SAMD12: variants seen among roughly 807,000 people sequenced by gnomAD.
SAMD12 encodes the protein sterile alpha motif domain-containing protein 12.
In SAMD12, 9 loss-of-function variants were observed where a neutral mutation model predicts 15.0. The ratio of observed to expected loss-of-function variants is 0.60; its 90% confidence interval spans 0.36 to 1.05. The LOEUF (loss-of-function observed/expected upper bound fraction) is 1.05, where lower values mean the gene tolerates loss of function less well. SAMD12 is among the 50% of genes least tolerant of loss of function. The pLI, the probability that SAMD12 is intolerant of heterozygous loss-of-function variation, is 0.01. For synonymous variants in SAMD12, 86 were observed against 90.1 expected, an observed-to-expected ratio of 0.96 and a Z score of 0.25; for missense variants, 230 against 234.2, an observed-to-expected ratio of 0.98 and a Z score of 0.12.
At chr8:118,345,031 C>T (rs1420365972) in intron 4 of SAMD12, among the ~76,000 whole-genome samples, 1 of 152,202 alleles carries the variant, frequency 6.6e-6, no homozygotes, top group Non-Finnish European at 1.5e-5. Context: ...ACTCACCACT[C>T]ACTGACTCGC....
chr8:118,443,304 A>C (rs147145288), intron 2 of SAMD12, among the ~76,000 whole-genome samples: 1,841 of 152,130 alleles, frequency 0.012, 45 homozygotes, highest in African/African-American at 0.041. Context: ...TCTCTACTAA[A>C]AATACAAAAA....
At chr8:118,226,858 T>C (rs1265398378) in intron 4 of SAMD12, among the ~76,000 whole-genome samples, 1 of 152,080 alleles carries the variant, frequency 6.6e-6, no homozygotes, top group African/African-American at 2.4e-5. Context: ...ATGGTAGCTT[T>C]GGATGTGTGT....
At chr8:118,515,489 A>G (rs1667048338) in intron 2 of SAMD12, among the ~76,000 whole-genome samples, 1 of 152,046 alleles carries the variant, frequency 6.6e-6, no homozygotes, top group South Asian at 2.1e-4. Flanking sequence ...AGTTTCAGGT[A>G]TTTATTTATA....
the SAMD12 span, among the ~76,000 whole-genome samples, chr8:118,176,211 G>T: frequency 6.6e-6 from 1 of 152,164 alleles, no homozygotes; most frequent in Non-Finnish European, 1.5e-5. Flanking sequence ...TGAGGCAGGA[G>T]AATTGCTTGA....
intron 4 of SAMD12, among the ~76,000 whole-genome samples, chr8:118,199,494 C>A (rs1221700349): frequency 6.6e-6 from 1 of 152,048 alleles, no homozygotes; most frequent in Non-Finnish European, 1.5e-5. Flanking sequence ...AATGTGTGAC[C>A]TTGGAAAATA....
intron 3 of SAMD12, among the ~76,000 whole-genome samples, chr8:118,379,965 T>C (rs993316547): frequency 1.3e-5 from 2 of 152,162 alleles, no homozygotes; most frequent in African/African-American, 2.4e-5. Context: ...GTGTGACTCA[T>C]ACATTCAGTT....
At chr8:118,239,675 C>T (rs941920633) in intron 4 of SAMD12, among the ~76,000 whole-genome samples, 1 of 152,096 alleles carries the variant, frequency 6.6e-6, no homozygotes, top group African/African-American at 2.4e-5. Flanking sequence ...GTTGGGATCT[C>T]GATATGTGGG....
At chr8:118,191,241 T>C (rs1231385749) in exon 5 of SAMD12, 1 of 152,138 alleles carries the variant, frequency 6.6e-6, no homozygotes, top group African/African-American at 2.4e-5. Flanking sequence ...TTTTACTAGT[T>C]AAACCATGGT....
At chr8:118,411,895 A>C (rs765255806) in intron 3 of SAMD12, among the ~76,000 whole-genome samples, 1 of 152,178 alleles carries the variant, frequency 6.6e-6, no homozygotes, top group African/African-American at 2.4e-5. Context: ...CTACAACAAG[A>C]GTTGGTCAAC....
chr8:118,588,169 A>G (rs1467247149), intron 1 of SAMD12, among the ~76,000 whole-genome samples: 1 of 152,204 alleles, frequency 6.6e-6, no homozygotes, highest in African/African-American at 2.4e-5. Flanking sequence ...CAGATCATTC[A>G]TGAAAACTTT....
At chr8:118,160,346 A>G in the SAMD12 span, among the ~76,000 whole-genome samples, 1 of 152,216 alleles carries the variant, frequency 6.6e-6, no homozygotes, top group African/African-American at 2.4e-5. Flanking sequence ...CCCAGTGAAA[A>G]TCCATAAGAC....
At chr8:118,178,486 A>C in the SAMD12 span, among the ~76,000 whole-genome samples, 1 of 152,082 alleles carries the variant, frequency 6.6e-6, no homozygotes, top group Non-Finnish European at 1.5e-5. Flanking sequence ...TGTTTTTTTT[A>C]GACAGTCTCC....
chr8:118,256,303 A>G (rs574463027), intron 4 of SAMD12, among the ~76,000 whole-genome samples: 57 of 152,142 alleles, frequency 3.7e-4, no homozygotes, highest in Non-Finnish European at 7.6e-4. Flanking sequence ...CTCATTCCCT[A>G]TAACTAGTGT....
At chr8:118,295,544 C>T (rs1814659147) in intron 4 of SAMD12, 1 of 151,906 alleles carries the variant, frequency 6.6e-6, no homozygotes, top group Admixed American at 6.6e-5. Flanking sequence ...TGTAAATCCA[C>T]AGCAATTTTT....
intron 4 of SAMD12, among the ~76,000 whole-genome samples, chr8:118,296,303 T>A (rs1563742015): frequency 6.6e-6 from 1 of 152,216 alleles, no homozygotes; most frequent in Non-Finnish European, 1.5e-5. Context: ...ATTTCTTCAA[T>A]GCACAATGCT....
intron 4 of SAMD12, among the ~76,000 whole-genome samples, chr8:118,363,613 C>G (rs915150092): frequency 6.6e-6 from 1 of 152,174 alleles, no homozygotes; most frequent in Non-Finnish European, 1.5e-5. Context: ...ACTGGAACTA[C>G]ACCATTAGCT....
At chr8:118,213,361 G>A (rs762526635) in intron 4 of SAMD12, among the ~76,000 whole-genome samples, 9 of 152,204 alleles carry the variant, frequency 5.9e-5, no homozygotes, top group Non-Finnish European at 8.8e-5. Context: ...GAACCTAGTC[G>A]CCATGCTGTG....
chr8:118,410,948 GTA>G (rs1821379712), intron 3 of SAMD12, among the ~76,000 whole-genome samples: 1 of 152,138 alleles, frequency 6.6e-6, no homozygotes, highest in African/African-American at 2.4e-5. Context: ...GAGGCAGTGG[GTA>G]AAAGATGAGA....
chr8:118,481,113 T>C (rs750282689), intron 2 of SAMD12, among the ~76,000 whole-genome samples: 5 of 152,166 alleles, frequency 3.3e-5, no homozygotes, highest in Admixed American at 6.5e-5. Context: ...TGGCTAATTT[T>C]TTTTTTATTT....
Sources: gnomAD v4.1 joint callset for allele counts (sites outside exome capture counted in the v4.1 genomes callset) on GRCh38, gnomAD v4.1.1 for gene constraint, MANE v1.5 for transcripts, NCBI Gene and HGNC (gene_info 2026-07-23, HGNC 2026-07-21) for gene names.